The following MGST1 variants were observed in gnomAD, a reference collection of about 807,000 sequenced individuals.
The protein encoded by MGST1 is microsomal glutathione S-transferase 1.
In MGST1, 5 loss-of-function variants were observed where a neutral mutation model predicts 8.9. The observed-to-expected ratio is 0.56, with a 90% CI of 0.29 to 1.19. MGST1 has a LOEUF of 1.19. Among genes scored for constraint, MGST1 ranks in the 50% most tolerant of loss-of-function variants. The probability of loss-of-function intolerance (pLI) is 0.08; values close to 1 mark genes in which losing one functional copy is unlikely to be tolerated. For missense variants in MGST1, 182 were observed against 187.4 expected (o/e 0.97, Z 0.17); for synonymous variants, 54 against 67.8 (o/e 0.80, Z 1.00).
At chr12:16,575,947 G>C (rs927213769) in intron 4 of MGST1, among the ~76,000 whole-genome samples, 2 of 152,054 alleles carry the variant, frequency 1.3e-5, no homozygotes, top group Non-Finnish European at 2.9e-5. Flanking sequence ...CGGAACATTT[G>C]CAAGTCCCTC....
At chr12:16,515,107 T>C (rs1426118179) in intron 4 of MGST1, among the ~76,000 whole-genome samples, 1 of 152,226 alleles carries the variant, frequency 6.6e-6, no homozygotes, top group African/African-American at 2.4e-5. Flanking sequence ...AGGTCTGTCC[T>C]CTCATCATGG....
At chr12:16,402,290 A>G in intron 1 of MGST1, 1 of 1,591,984 alleles carries the variant, frequency 6.3e-7, no homozygotes. Context: ...TGGAATAAAC[A>G]ATTTCTTCAT....
At chr12:16,522,651 C>T (rs1342398416) in intron 4 of MGST1, among the ~76,000 whole-genome samples, 2 of 152,030 alleles carry the variant, frequency 1.3e-5, no homozygotes, top group African/African-American at 2.4e-5. Flanking sequence ...TCATAATTAA[C>T]CCCTTCATAA....
At chr12:16,432,679 GACACAC>G (rs36054419) in intron 1 of MGST1, among the ~76,000 whole-genome samples, 10,232 of 124,270 alleles carry the variant, frequency 0.082, 460 homozygotes, top group African/African-American at 0.13. Context: ...CTCTCTCTCT[GACACAC>G]ACACACACAC....
chr12:16,476,012 C>T (rs1941320624), intron 4 of MGST1, among the ~76,000 whole-genome samples: 2 of 152,034 alleles, frequency 1.3e-5, no homozygotes, highest in African/African-American at 4.8e-5. Flanking sequence ...GATTAGCTTC[C>T]TCAGTTTCCA....
chr12:16,409,773 T>G (rs1940728534), intron 1 of MGST1, among the ~76,000 whole-genome samples: 1 of 152,152 alleles, frequency 6.6e-6, no homozygotes, highest in African/African-American at 2.4e-5. Context: ...GTAAAAATAT[T>G]CACAGAAAAT....
chr12:16,447,530 G>T (rs952335837), intron 4 of MGST1, among the ~76,000 whole-genome samples: 1 of 151,938 alleles, frequency 6.6e-6, no homozygotes, highest in Non-Finnish European at 1.5e-5. Context: ...TAAGGATTTA[G>T]AAAACTTTGG....
chr12:16,374,475 AC>A, intron 3 of MGST1, among the ~76,000 whole-genome samples: 1 of 152,032 alleles, frequency 6.6e-6, no homozygotes, highest in Middle Eastern at 3.4e-3. Flanking sequence ...TCCAAAAATC[AC>A]CCCAAATCCC....
In MGST1 at chr12:16,579,126, AT is replaced by A. The variant is rs570418073; in HGVS notation, n.483-10393del. Reference sequence around the variant, plus strand: ...ATAAAGGTCATAAACTTCCACAGGGATTTTTTTTTGAAGAGAACAACATGTT... The same window carrying A: ...ATAAAGGTCATAAACTTCCACAGGGATTTTTTTTGAAGAGAACAACATGTT... On this transcript the variant is annotated intron_variant and non_coding_transcript_variant, in intron 4 of 4. Transcript: ENST00000538857. 4.6e-5 allele frequency among the ~76,000 whole-genome samples: 7 copies of A among 151,524 alleles called. No homozygotes were observed. In the East Asian group the frequency reaches 1.2e-3, roughly 25 times the overall value.
rs1485572213 is a variant in MGST1, at chr12:16,564,928, A to T, written n.483-24600A>T. Reference sequence around the variant, plus strand: ...AGCTCCCCAAGTAGCTGGGACCACAAGTGCATATCAACAGACTTGGCTAAT... The same window carrying T: ...AGCTCCCCAAGTAGCTGGGACCACATGTGCATATCAACAGACTTGGCTAAT... On this transcript the variant is annotated intron_variant and non_coding_transcript_variant, in intron 4 of 4. Transcript: ENST00000538857. Among the ~76,000 whole-genome samples, 3 of 152,072 alleles carry T rather than the reference A, an allele frequency of 2.0e-5. No homozygotes were observed. In the South Asian group the frequency reaches 6.2e-4, roughly 32 times the overall value.
chr12:16,451,546 A>G (rs1205511767), intron 4 of MGST1, among the ~76,000 whole-genome samples: 1 of 151,896 alleles, frequency 6.6e-6, no homozygotes, highest in Non-Finnish European at 1.5e-5. Context: ...GATTTTATAG[A>G]AAAACTGCCC....
At chr12:16,448,552 T>C (rs1258154068) in intron 4 of MGST1, among the ~76,000 whole-genome samples, 2 of 151,806 alleles carry the variant, frequency 1.3e-5, no homozygotes, top group Admixed American at 1.3e-4. Flanking sequence ...GGCAAAAATA[T>C]GGTTGAAAGC....
intron 1 of MGST1, chr12:16,400,340 G>GT (rs1218522661): frequency 1.5e-5 from 12 of 805,676 alleles, no homozygotes; most frequent in Non-Finnish European, 2.2e-5. Flanking sequence ...AAAATATCCA[G>GT]TTTGTCTCCT....
chr12:16,429,336 T>A (rs1940919736), intron 1 of MGST1, among the ~76,000 whole-genome samples: 1 of 152,138 alleles, frequency 6.6e-6, no homozygotes, highest in African/African-American at 2.4e-5. Context: ...TGATTCTTCC[T>A]TGTGGTTATA....
chr12:16,516,544 A>G (rs765146683), intron 4 of MGST1, among the ~76,000 whole-genome samples: 2 of 152,144 alleles, frequency 1.3e-5, no homozygotes, highest in Non-Finnish European at 1.5e-5. Flanking sequence ...TCCATTCTAC[A>G]TCTGAAAGTT....
intron 4 of MGST1, among the ~76,000 whole-genome samples, chr12:16,553,142 A>C (rs1942054418): frequency 6.6e-6 from 1 of 152,146 alleles, no homozygotes; most frequent in Non-Finnish European, 1.5e-5. Context: ...GATCACATTT[A>C]TTCCCTACAT....
chr12:16,362,247 T>C lies in MGST1; in HGVS notation c.222-1548T>C, dbSNP rs1287052715. On this transcript the variant is annotated intron_variant, in intron 3 of 3. Transcript: ENST00000396210. This position sits in a 1 kb window ranked among gnomAD's most constrained non-coding sequence, Gnocchi z 4.4. ...CTTTTCTTTCCCATCTCATTCTCAG[T>C]AGTACTTGTATTGCTCCATGAAAGA... 6.6e-6 allele frequency among the ~76,000 whole-genome samples: 1 copy of C among 152,174 alleles called. No individual in the cohort carries two copies. The highest frequency in any genetic ancestry group is 2.4e-5 in the African/African-American group (1 of 41,454).
rs1418454056 is a variant in MGST1, at chr12:16,500,825, G to A, written n.483-88703G>A. On this transcript the variant is annotated intron_variant and non_coding_transcript_variant, in intron 4 of 4. Transcript: ENST00000538857. The surrounding 1 kb of genome is among the most constrained non-coding windows in gnomAD (Gnocchi z 4.3). ...TTGTTCAATGAAAATGTACTTAGAG[G>A]TTGGGCGTGGTGGCTCACGCCTGTA... 6.6e-6 allele frequency among the ~76,000 whole-genome samples: 1 copy of A among 152,184 alleles called. No individual in the cohort carries two copies. The highest frequency in any genetic ancestry group is 1.9e-4 in the East Asian group (1 of 5,200).
intron 4 of MGST1, among the ~76,000 whole-genome samples, chr12:16,481,715 G>T (rs1198255506): frequency 1.3e-5 from 2 of 151,914 alleles, no homozygotes; most frequent in African/African-American, 2.4e-5. Flanking sequence ...GAGAAAAAGG[G>T]ATTGAAAATA....
Sources: allele counts gnomAD v4.1 joint callset (sites outside exome capture counted in the v4.1 genomes callset), GRCh38; gene constraint gnomAD v4.1.1; non-coding constraint Gnocchi (gnomAD v3.1); transcripts MANE v1.5; gene names NCBI Gene and HGNC (gene_info 2026-07-23, HGNC 2026-07-21).